Variants in TMBIM1 observed in about 807,000 individuals in gnomAD.
TMBIM1 encodes transmembrane BAX inhibitor motif containing 1, also known as protein lifeguard 3.
A neutral mutation model predicts 45.1 loss-of-function variants in TMBIM1; 34 were observed. The ratio of observed to expected loss-of-function variants is 0.75; its 90% CI spans 0.57 to 1.00. The LOEUF is 1.00. Among genes scored for constraint, TMBIM1 ranks in the 50% least tolerant of loss-of-function variants. The pLI is 0.00. For missense variants in TMBIM1, 374 were observed against 402.4 expected (o/e 0.93, Z 0.60); for synonymous variants, 157 against 153.5 (o/e 1.02, Z -0.17).
At chr2:218,284,537 T>C (rs1204648722) in intron 1 of TMBIM1, among the ~76,000 whole-genome samples, 1 of 152,246 alleles carries the variant, frequency 6.6e-6, no homozygotes, top group Non-Finnish European at 1.5e-5. Flanking sequence ...CAGCGGGTGC[T>C]GACTCAGAGC....
rs117445020 is a variant in TMBIM1, at chr2:218,277,141, A to G, written c.640-42T>C. On this transcript the variant is annotated intron_variant, in intron 9 of 11. Transcript: ENST00000258412. Reference sequence around the variant, plus strand: ...AAGAGGCACCTGTCAGATGGCTGTGACAACCAGCCCAGTCAGACTGGCCCT... The same window carrying G: ...AAGAGGCACCTGTCAGATGGCTGTGGCAACCAGCCCAGTCAGACTGGCCCT... 1.1e-3 allele frequency: 1,645 copies of G among 1,557,768 alleles called. 32 individuals are homozygous for G. In the East Asian group the frequency reaches 0.034, roughly 32 times the overall value.
At chr2:218,279,424 C>T (rs1386419247) in intron 3 of TMBIM1, 71 bp from the exon 4 acceptor site, 3 of 1,413,796 alleles carry the variant, frequency 2.1e-6, no homozygotes, top group East Asian at 2.4e-5. Context: ...TGCCAGCCCC[C>T]AGTACTTTCC....
intron 1 of TMBIM1, among the ~76,000 whole-genome samples, chr2:218,284,771 G>T (rs758199194): frequency 1.3e-5 from 2 of 152,150 alleles, no homozygotes; most frequent in Non-Finnish European, 2.9e-5. Flanking sequence ...CCCTCCACGG[G>T]GTTGCTATAA....
rs1248796204 is a variant in TMBIM1, at chr2:218,276,090, A to G, written c.736-11T>C. On this transcript the variant is annotated splice_polypyrimidine_tract_variant and intron_variant, in intron 10 of 11. Transcript: ENST00000258412. ...GTGGAGCCAGTAAACCTGGAGAAGA[A>G]GGGGACAGAGAATGGCATTAGAAAC... 1 of 1,612,316 alleles carries G rather than the reference A, an allele frequency of 6.2e-7. No individual in the cohort carries two copies. Among genetic ancestry groups the G allele is most frequent in the Non-Finnish European group, 8.5e-7 (1 of 1,179,322 alleles).
intron 1 of TMBIM1, among the ~76,000 whole-genome samples, chr2:218,288,486 C>T (rs965561033): frequency 4.6e-5 from 7 of 152,168 alleles, no homozygotes; most frequent in Non-Finnish European, 1.5e-5. Flanking sequence ...AGTAGTTGAA[C>T]CACTTCCAGT....
intron 2 of TMBIM1, 21 bp downstream of exon 2, chr2:218,281,919 A>G: frequency 6.4e-7 from 1 of 1,566,900 alleles, no homozygotes; most frequent in South Asian, 1.2e-5. Flanking sequence ...CCCACCTTCC[A>G]TCTGCCCTTC....
Position 218,277,086 on chromosome 2 carries a change from G to A in TMBIM1, c.653C>T (p.Ser218Leu), listed in dbSNP as rs372371042. 2.5e-5 allele frequency: 40 copies of A among 1,614,014 alleles called. No individual in the cohort carries two copies. The highest frequency in any genetic ancestry group is 1.6e-4 in the Middle Eastern group (1 of 6,082). The change falls in exon 10 of 12, where the codon TCG (serine) becomes TTG (leucine). Residue 218 changes from serine to leucine, a missense_variant. Physicochemically the swap from Ser to Leu is moderately radical, Grantham distance 145. Transcript: ENST00000258412. ...FCFQTKVDFT[S>L]CTGLFCVLGI... ...CAGGACACAGAAGAGGCCTGTGCAC[G>A]AGGTGAAGTCCACCTGCCAGGAAGC...
Position 218,278,583 on chromosome 2 carries a change from G to C in TMBIM1, c.423-18C>G. 1.2e-6 allele frequency: 2 copies of C among 1,614,072 alleles called. No homozygotes were observed. The highest frequency in any genetic ancestry group is 1.7e-6 in the Non-Finnish European group (2 of 1,179,904). ...AGACAGCACTAGGGACAAAGAGATG[G>C]GGAAGCAGTTCAGGCCCAAATCTGC... On this transcript the variant is annotated intron_variant, in intron 5 of 11. Transcript: ENST00000258412.
In TMBIM1 at chr2:218,279,185, C is replaced by T. The variant is rs114235213; in HGVS notation, c.369-94G>A. ...GCCCTGGCTTCACCTTCTCTAATTGCCCATGGTCACCCTGAGAGCAGGGCC... is the reference window on the plus strand; with the variant it reads ...GCCCTGGCTTCACCTTCTCTAATTGTCCATGGTCACCCTGAGAGCAGGGCC... On this transcript the variant is annotated intron_variant, in intron 4 of 11. Transcript: ENST00000258412. The T allele has an allele frequency of 2.9e-3, 4,532 of 1,580,676 alleles. 113 individuals carry two copies. The African/African-American group carries it at 0.054, about 19-fold the overall frequency.
At chr2:218,280,161 C>A in intron 2 of TMBIM1, 35 bp from the exon 3 acceptor site, 1 of 1,503,964 alleles carries the variant, frequency 6.6e-7, no homozygotes, top group African/African-American at 1.4e-5. Context: ...AGCTGGGGAC[C>A]TGAGACATGT....
At position 218,282,113 on chromosome 2, in the gene TMBIM1, T is replaced by A. The variant is rs765096690; in HGVS notation, c.29A>T (p.Tyr10Phe). The A allele has an allele frequency of 2.6e-6, 4 of 1,538,142 alleles. No individual in the cohort carries two copies. Among genetic ancestry groups the A allele is most frequent in the Non-Finnish European group, 3.5e-6 (4 of 1,143,562 alleles). ...TGGGTACAGGGGGTTGCGGTCTTCA[T>A]ATGGTGGTGGGGCGCTGGGGTTGGA... MSNPSAPPP[Y>F]EDRNPLYPGP... The change falls in exon 2 of 12, where the codon TAT (tyrosine) becomes TTT (phenylalanine). Residue 10 changes from tyrosine (Y) to phenylalanine (F), a missense_variant. Tyr to Phe is a conservative substitution (Grantham distance 22). Transcript: ENST00000258412.
chr2:218,284,900 GGCC>G (rs1692377711), intron 1 of TMBIM1, among the ~76,000 whole-genome samples: 1 of 152,224 alleles, frequency 6.6e-6, no homozygotes, highest in Non-Finnish European at 1.5e-5. Context: ...AGACCAGCCT[GGCC>G]AAATGGTGAA....
In TMBIM1 at chr2:218,279,214, C is replaced by T. The variant is rs1009705862; in HGVS notation, c.368+75G>A. On this transcript the variant is annotated intron_variant, in intron 4 of 11. Transcript: ENST00000258412. Reference sequence around the variant, plus strand: ...TGGTCACCCTGAGAGCAGGGCCCACCGCCACCCACACCCCCAGCAGGTGAC... The same window carrying T: ...TGGTCACCCTGAGAGCAGGGCCCACTGCCACCCACACCCCCAGCAGGTGAC... The T allele has an allele frequency of 7.0e-5, 108 of 1,553,224 alleles. No individual in the cohort carries two copies. The South Asian group carries it at 7.3e-4, about 11-fold the overall frequency.
At chr2:218,285,701 CAGGAG>C (rs1290382741) in intron 1 of TMBIM1, 2 of 152,454 alleles carry the variant, frequency 1.3e-5, no homozygotes, top group Admixed American at 6.5e-5. Flanking sequence ...GACCTGGGCA[CAGGAG>C]AGGAAACCCC....
At chr2:218,280,356 G>T (rs889596747) in intron 2 of TMBIM1, 2 of 478,190 alleles carry the variant, frequency 4.2e-6, no homozygotes, top group Admixed American at 7.0e-5. Context: ...TCTGTGGAGG[G>T]CTCCTGTGTG....
chr2:218,280,383 G>C lies in TMBIM1; in HGVS notation c.203-257C>G, dbSNP rs370699257. 6.7e-4 allele frequency: 281 copies of C among 421,588 alleles called. 2 individuals are homozygous for C. Among genetic ancestry groups the C allele is most frequent in the African/African-American group, 5.3e-3 (260 of 48,932 alleles). The allele number at this position is 421,588 out of a possible 1,614,324, so 26.1% of individuals were successfully genotyped here. ...TCCTGTGTGCCCAGCCCACGCCACT[G>C]GGGGTTCACTGGGGGGTCACGATGT... is the stretch of plus-strand genomic sequence containing the variant. On this transcript the variant is annotated intron_variant, in intron 2 of 11. Coordinates refer to ENST00000258412, the MANE Select transcript of TMBIM1 (RefSeq NM_022152.6).
In TMBIM1 at chr2:218,281,428, C is replaced by T. The variant is rs147841157; in HGVS notation, c.202+512G>A. Reference sequence around the variant, plus strand: ...CTGGGATTACAGGCGTGAGCCACCGCGGCCGGCCTCACCTCATTTCTGACC... The same window carrying T: ...CTGGGATTACAGGCGTGAGCCACCGTGGCCGGCCTCACCTCATTTCTGACC... On this transcript the variant is annotated intron_variant, in intron 2 of 11. Transcript: ENST00000258412. Among the ~76,000 whole-genome samples the T allele has an allele frequency of 4.3e-4, 66 of 152,298 alleles. 2 individuals carry two copies. In the South Asian group the frequency reaches 7.2e-3, roughly 17 times the overall value.
At chr2:218,287,815 G>A (rs992080833) in intron 1 of TMBIM1, among the ~76,000 whole-genome samples, 8 of 152,168 alleles carry the variant, frequency 5.3e-5, no homozygotes, top group Admixed American at 3.9e-4. Flanking sequence ...CATGGAGACC[G>A]AGGGGTGGCT....
chr2:218,286,052 A>G (rs1559508860), intron 1 of TMBIM1: 1 of 154,844 alleles, frequency 6.5e-6, no homozygotes, highest in Non-Finnish European at 1.5e-5. Context: ...GAGAGAGATC[A>G]CGAGACTGAC....
Sources: allele counts gnomAD v4.1 joint callset (sites outside exome capture counted in the v4.1 genomes callset), GRCh38; gene constraint gnomAD v4.1.1; transcripts MANE v1.5; gene names NCBI Gene and HGNC (gene_info 2026-07-23, HGNC 2026-07-21).